The following RHOU variants were observed in gnomAD, a reference collection of about 807,000 sequenced individuals.
RHOU encodes ras homolog family member U.
In RHOU, 8 loss-of-function variants were observed where a neutral mutation model predicts 12.6. The ratio of observed to expected loss-of-function variants is 0.64; its 90% CI spans 0.37 to 1.15. RHOU has a LOEUF of 1.15. Among genes scored for constraint, RHOU ranks in the 50% most tolerant of loss-of-function variants. The pLI, the probability that RHOU is intolerant of heterozygous loss-of-function variation, is 0.01. For synonymous variants in RHOU, 161 were observed against 147.4 expected (o/e 1.09, Z -0.67); for missense variants, 258 against 347.0 (o/e 0.74, Z 2.04).
the RHOU span, among the ~76,000 whole-genome samples, chr1:228,717,337 A>G: frequency 1.3e-5 from 2 of 152,240 alleles, no homozygotes; most frequent in African/African-American, 4.8e-5. Flanking sequence ...GGATAAAGCC[A>G]GAAAGTCTTA....
the RHOU span, among the ~76,000 whole-genome samples, chr1:228,683,649 A>T: frequency 6.6e-6 from 1 of 152,266 alleles, no homozygotes. Context: ...AAAAATTTCT[A>T]TAACAAGGAC....
At chr1:228,658,596 C>T in the RHOU span, among the ~76,000 whole-genome samples, 1 of 152,198 alleles carries the variant, frequency 6.6e-6, no homozygotes, top group African/African-American at 2.4e-5. Flanking sequence ...ATTATCCAAT[C>T]TCAGGTATTT....
chr1:228,691,343 A>G, the RHOU span, among the ~76,000 whole-genome samples: 2 of 152,084 alleles, frequency 1.3e-5, no homozygotes, highest in Non-Finnish European at 2.9e-5. Flanking sequence ...ACATGTTTCC[A>G]CCACTACGGT....
At chr1:228,687,574 C>G in the RHOU span, 11 of 1,550,954 alleles carry the variant, frequency 7.1e-6, no homozygotes, top group African/African-American at 1.4e-4. Context: ...GGGCTGAATG[C>G]GATGGAGTGT....
the RHOU span, among the ~76,000 whole-genome samples, chr1:228,647,379 C>G: frequency 6.6e-6 from 1 of 152,162 alleles, no homozygotes; most frequent in Non-Finnish European, 1.5e-5. Context: ...CGGGCGCGTC[C>G]GGAGGCCTGG....
chr1:228,745,152 G>T lies in RHOU; in HGVS notation c.*1412G>T, dbSNP rs554348782. On this transcript the variant is annotated 3_prime_UTR_variant, in exon 3 of 3. Coordinates refer to ENST00000366691, the MANE Select transcript of RHOU (RefSeq NM_021205.6). ...TGGCCCCCATACTTGGCTGCTTCCT[G>T]TGACAGTGAAATACATCCTTCAAGG... 6 of 152,354 alleles carry T rather than the reference G, an allele frequency of 3.9e-5. No homozygotes were observed. The highest frequency in any genetic ancestry group is 3.9e-4 in the Admixed American group (6 of 15,306). The allele number at this position is 152,354 out of a possible 1,614,324, so 9.4% of individuals were successfully genotyped here. A position where few individuals can be genotyped will look rare whatever the true frequency, so the allele number is the denominator to read the frequency against.
the RHOU span, among the ~76,000 whole-genome samples, chr1:228,684,830 C>T: frequency 1.3e-5 from 2 of 152,140 alleles, no homozygotes; most frequent in East Asian, 1.9e-4. Flanking sequence ...TTCCAGGAAA[C>T]GGTCCCGATA....
At chr1:228,650,119 T>C in the RHOU span, 1 of 435,326 alleles carries the variant, frequency 2.3e-6, no homozygotes. Context: ...GAATACAGAT[T>C]TCTAATAACT....
chr1:228,729,392 T>C, the RHOU span, among the ~76,000 whole-genome samples: 1 of 152,240 alleles, frequency 6.6e-6, no homozygotes, highest in Admixed American at 6.5e-5. Flanking sequence ...ATATGGTTTT[T>C]AGTTTTGAGC....
chr1:228,698,052 A>T, the RHOU span, among the ~76,000 whole-genome samples: 3 of 152,202 alleles, frequency 2.0e-5, no homozygotes, highest in Non-Finnish European at 4.4e-5. Context: ...ATTTGGTAGA[A>T]CATGCATAAC....
At chr1:228,721,568 G>C in the RHOU span, among the ~76,000 whole-genome samples, 1 of 152,234 alleles carries the variant, frequency 6.6e-6, no homozygotes, top group East Asian at 1.9e-4. Context: ...GACACAACCA[G>C]ATCCAGTGGG....
chr1:228,697,873 G>T, the RHOU span, among the ~76,000 whole-genome samples: 1 of 152,158 alleles, frequency 6.6e-6, no homozygotes, highest in African/African-American at 2.4e-5. Flanking sequence ...GGGGTGACTA[G>T]TTTGTCACTG....
chr1:228,719,778 A>G, the RHOU span, among the ~76,000 whole-genome samples: 28 of 152,196 alleles, frequency 1.8e-4, no homozygotes, highest in Admixed American at 3.3e-4. Context: ...AAAAAAAATG[A>G]TAAAACTGCA....
the RHOU span, among the ~76,000 whole-genome samples, chr1:228,670,445 T>C: frequency 3.9e-5 from 6 of 152,340 alleles, no homozygotes; most frequent in South Asian, 1.0e-3. Flanking sequence ...ATGATGAGAA[T>C]GTCCCAATGG....
At chr1:228,696,721 T>A in the RHOU span, among the ~76,000 whole-genome samples, 10 of 151,640 alleles carry the variant, frequency 6.6e-5, no homozygotes, top group African/African-American at 2.4e-4. Flanking sequence ...CTAATTTTTG[T>A]GTATTTTGTA....
the RHOU span, among the ~76,000 whole-genome samples, chr1:228,667,640 G>A: frequency 6.6e-6 from 1 of 152,030 alleles, no homozygotes. Flanking sequence ...CTGGGAAATC[G>A]ACCCATGTTT....
At chr1:228,739,123 G>A (rs1255445486) in intron 2 of RHOU, among the ~76,000 whole-genome samples, 1 of 151,688 alleles carries the variant, frequency 6.6e-6, no homozygotes, top group African/African-American at 2.4e-5. Context: ...CCCATCTCTT[G>A]GGGGTAAAAA....
chr1:228,656,162 C>A, the RHOU span, among the ~76,000 whole-genome samples: 1 of 151,444 alleles, frequency 6.6e-6, no homozygotes, highest in Non-Finnish European at 1.5e-5. Flanking sequence ...AAATAAATAT[C>A]TTTTTTTTTG....
At chr1:228,729,816 T>C in the RHOU span, among the ~76,000 whole-genome samples, 1 of 152,250 alleles carries the variant, frequency 6.6e-6, no homozygotes, top group Admixed American at 6.5e-5. Context: ...ACTTTCATGA[T>C]ACCAATGGAA....
Sources: gnomAD v4.1 joint callset for allele counts (sites outside exome capture counted in the v4.1 genomes callset) on GRCh38, gnomAD v4.1.1 for gene constraint, MANE v1.5 for transcripts, NCBI Gene and HGNC (gene_info 2026-07-23, HGNC 2026-07-21) for gene names.